ATAD2B: variants seen among roughly 807,000 people sequenced by gnomAD.
The protein encoded by ATAD2B is ATPase family AAA domain containing 2B, also known as ATPase family AAA domain-containing protein 2B.
A neutral mutation model predicts 167.6 loss-of-function variants in ATAD2B; 40 were observed. The observed-to-expected ratio is 0.24, with a 90% CI of 0.19 to 0.31. ATAD2B has a LOEUF of 0.31. Among genes scored for constraint, ATAD2B ranks in the 10% least tolerant of loss-of-function variants. The probability of loss-of-function intolerance (pLI) is 1.00; values close to 1 mark genes in which losing one functional copy is unlikely to be tolerated. For synonymous variants in ATAD2B, 579 were observed against 596.5 expected, an observed-to-expected ratio of 0.97 and a Z score of 0.43; for missense variants, 1,242 against 1,757.2, an observed-to-expected ratio of 0.71 and a Z score of 5.24.
At chr2:23,724,783 C>A in the ATAD2B span, among the ~76,000 whole-genome samples, 21 of 152,074 alleles carry the variant, frequency 1.4e-4, no homozygotes, top group African/African-American at 4.6e-4. Context: ...GTGGCTCACG[C>A]CTGTAATCCC....
At chr2:23,709,668 C>T in the ATAD2B span, among the ~76,000 whole-genome samples, 2 of 151,470 alleles carry the variant, frequency 1.3e-5, no homozygotes, top group Non-Finnish European at 2.9e-5. Context: ...AGGTGGTGGT[C>T]AGGGTAGGCG....
At chr2:23,909,411 A>AAT (rs144730746) in intron 1 of ATAD2B, among the ~76,000 whole-genome samples, 78 of 149,212 alleles carry the variant, frequency 5.2e-4, no homozygotes, top group African/African-American at 8.1e-4. Context: ...ATTGCCTCCA[A>AAT]ATATATATAT....
rs1265910802 is a variant in ATAD2B, at chr2:23,863,367, A to G, written c.1479+14T>C. Reference sequence around the variant, plus strand: ...AGAACAGAAAAGACTCTTGAATTAGATGATTTCTCTTACCTGATCAAAAAG... The same window carrying G: ...AGAACAGAAAAGACTCTTGAATTAGGTGATTTCTCTTACCTGATCAAAAAG... On this transcript the variant is annotated intron_variant, in intron 12 of 27. Coordinates refer to ENST00000238789, the MANE Select transcript of ATAD2B (RefSeq NM_017552.4). 2 of 1,546,738 alleles carry G rather than the reference A, an allele frequency of 1.3e-6. No homozygotes were observed. The highest frequency in any genetic ancestry group is 4.9e-5 in the East Asian group (2 of 40,906).
intron 18 of ATAD2B, among the ~76,000 whole-genome samples, chr2:23,804,674 G>GAA (rs556263378): frequency 1.2e-4 from 15 of 126,178 alleles, no homozygotes; most frequent in East Asian, 4.7e-4. Context: ...AAAAAATCAG[G>GAA]AAAAAAAAAA....
At chr2:23,888,107 T>G in intron 3 of ATAD2B, 122 bp from the exon 4 acceptor site, 1 of 830,152 alleles carries the variant, frequency 1.2e-6, no homozygotes, top group Non-Finnish European at 1.8e-6. Flanking sequence ...TTTAAATGGC[T>G]TTAATAGTCA....
the ATAD2B span, chr2:23,695,569 G>T: frequency 7.9e-7 from 1 of 1,261,256 alleles, no homozygotes; most frequent in Non-Finnish European, 1.1e-6. This position sits in a 1 kb window ranked among gnomAD's most constrained non-coding sequence, Gnocchi z 7.6. Flanking sequence ...TTTCCGTCCG[G>T]GAGGTGGCTC....
intron 13 of ATAD2B, among the ~76,000 whole-genome samples, chr2:23,844,030 C>G (rs1326489504): frequency 6.6e-6 from 1 of 152,156 alleles, no homozygotes; most frequent in Non-Finnish European, 1.5e-5. Flanking sequence ...CCTCCACTTC[C>G]CAGGTTCAAG....
intron 1 of ATAD2B, among the ~76,000 whole-genome samples, chr2:23,922,701 C>A (rs1360097042): frequency 8.3e-4 from 105 of 126,386 alleles, no homozygotes; most frequent in African/African-American, 8.3e-4. Context: ...GACTCTGTCT[C>A]AAAAAAAAAA....
At chr2:23,713,203 A>C in the ATAD2B span, among the ~76,000 whole-genome samples, 3 of 152,366 alleles carry the variant, frequency 2.0e-5, no homozygotes, top group South Asian at 2.1e-4. Context: ...TCAAGTGCAA[A>C]CCTGGGCACC....
At chr2:23,914,526 AT>A (rs1558794864) in intron 1 of ATAD2B, among the ~76,000 whole-genome samples, 1 of 152,166 alleles carries the variant, frequency 6.6e-6, no homozygotes, top group Non-Finnish European at 1.5e-5. Context: ...CATGCCAAAT[AT>A]TGGCAGGGAA....
chr2:23,792,327 A>G (rs776978422), intron 19 of ATAD2B, among the ~76,000 whole-genome samples: 25 of 152,050 alleles, frequency 1.6e-4, no homozygotes, highest in Non-Finnish European at 3.1e-4. Context: ...GATTACAGGC[A>G]TGAGCTATGG....
At position 23,874,003 on chromosome 2, in the gene ATAD2B, A is replaced by G. The variant is rs1018575638; in HGVS notation, c.977+1826T>C. Among the ~76,000 whole-genome samples the G allele has an allele frequency of 2.0e-5, 3 of 152,056 alleles. No individual in the cohort carries two copies. The East Asian group carries it at 5.8e-4, about 29-fold the overall frequency. ...GAAGTTCGAGACCAGCCTGACCAAC[A>G]TGGTGAAACCCAGTATCTACTAAAA... On this transcript the variant is annotated intron_variant, in intron 8 of 27. Transcript: ENST00000238789.
At chr2:23,683,978 GC>G in the ATAD2B span, among the ~76,000 whole-genome samples, 1 of 152,170 alleles carries the variant, frequency 6.6e-6, no homozygotes, top group East Asian at 1.9e-4. Flanking sequence ...ACATCACAGT[GC>G]CATGCTTGAC....
chr2:23,792,987 A>AAAAAAAAAAAAAAC (rs1682040723), intron 19 of ATAD2B, among the ~76,000 whole-genome samples: 1 of 150,600 alleles, frequency 6.6e-6, no homozygotes, highest in African/African-American at 2.4e-5. Flanking sequence ...AAAAAAAAAA[A>AAAAAAAAAAAAAAC]AAACTTGAGA....
Position 23,765,604 on chromosome 2 carries a change from C to T in ATAD2B, c.3158G>A (p.Cys1053Tyr), listed in dbSNP as rs1249845166. ...PGDKIIRHRA[C>Y]TLKDTAHAII... Reference sequence around the variant, plus strand: ...AGCATGTGCAGTGTCCTTCAGGGTACAAGCCCTGTGCCTAATTATTTTATC... The same window carrying T: ...AGCATGTGCAGTGTCCTTCAGGGTATAAGCCCTGTGCCTAATTATTTTATC... Residue 1053 changes from cysteine (C) to tyrosine (Y), a missense_variant, in exon 23 of 28, where the codon TGT (cysteine) becomes TAT (tyrosine). Transcript: ENST00000238789. 6.6e-7 allele frequency: 1 copy of T among 1,509,738 alleles called. No homozygotes were observed. The allele number at this position is 1,509,738 out of a possible 1,614,324, so 93.5% of individuals were successfully genotyped here.
At chr2:23,855,973 T>C (rs1276017278) in intron 13 of ATAD2B, 8 of 152,094 alleles carry the variant, frequency 5.3e-5, no homozygotes, top group African/African-American at 4.8e-5. Flanking sequence ...TGGATCACAA[T>C]GTCAGGAGTT....
chr2:23,772,701 A>C (rs1379729251), intron 22 of ATAD2B, among the ~76,000 whole-genome samples: 2 of 152,104 alleles, frequency 1.3e-5, no homozygotes, highest in Non-Finnish European at 2.9e-5. Context: ...CTTTTAAAAA[A>C]ATCTGCATTT....
chr2:23,805,499 G>A (rs1684222853), intron 18 of ATAD2B, among the ~76,000 whole-genome samples: 1 of 152,096 alleles, frequency 6.6e-6, no homozygotes, highest in Admixed American at 6.5e-5. Context: ...GGGATATTCA[G>A]TTTGTTTGCC....
At chr2:23,925,767 T>G (rs1373100875) in intron 1 of ATAD2B, among the ~76,000 whole-genome samples, 27 of 152,238 alleles carry the variant, frequency 1.8e-4, no homozygotes, top group Non-Finnish European at 4.4e-5. Context: ...ATGGTGTTCA[T>G]TCACCTTTTG....
Sources: allele counts gnomAD v4.1 joint callset (sites outside exome capture counted in the v4.1 genomes callset), GRCh38; gene constraint gnomAD v4.1.1; non-coding constraint Gnocchi (gnomAD v3.1); transcripts MANE v1.5; gene names NCBI Gene and HGNC (gene_info 2026-07-23, HGNC 2026-07-21).